PRKG1: variants seen among roughly 807,000 people sequenced by gnomAD.
The protein encoded by PRKG1 is cGMP-dependent protein kinase 1.
Under a neutral mutation model 88.1 loss-of-function variants are expected in PRKG1, and 35 were observed. The ratio of observed to expected loss-of-function variants is 0.40; its 90% CI spans 0.30 to 0.53. PRKG1 has a LOEUF of 0.53. PRKG1 is among the 20% of genes least tolerant of loss of function. PRKG1 has a pLI of 0.59. For missense variants in PRKG1, 540 were observed against 839.8 expected, an observed-to-expected ratio of 0.64 and a Z score of 4.41; for synonymous variants, 303 against 292.5, an observed-to-expected ratio of 1.04 and a Z score of -0.37.
chr10:51,987,466 T>C (rs1033616462), intron 5 of PRKG1, among the ~76,000 whole-genome samples: 1 of 151,350 alleles, frequency 6.6e-6, no homozygotes, highest in African/African-American at 2.4e-5. Flanking sequence ...TACTTTTTTT[T>C]TTTTTTTTCT....
In PRKG1 at chr10:51,724,031, G is replaced by A. The variant is rs556774543; in HGVS notation, c.593-80554G>A. On this transcript the variant is annotated intron_variant, in intron 3 of 17. Coordinates refer to ENST00000373980, the MANE Select transcript of PRKG1 (RefSeq NM_006258.4). ...AGTAAAGCATTATTACGGGTGTGTC[G>A]ATGTGGAGATTAGTGTGTGTGTCTG... 7.9e-4 allele frequency among the ~76,000 whole-genome samples: 120 copies of A among 152,160 alleles called. 1 individual carries two copies. Among genetic ancestry groups the A allele is most frequent in the Non-Finnish European group, 1.3e-3 (86 of 68,006 alleles).
At chr10:52,117,812 A>T (rs1417891057) in intron 7 of PRKG1, among the ~76,000 whole-genome samples, 2 of 151,984 alleles carry the variant, frequency 1.3e-5, no homozygotes, top group Non-Finnish European at 2.9e-5. Flanking sequence ...GTGTGTGTGC[A>T]TATGTGTTTT....
chr10:51,617,370 G>T (rs1376352409), intron 3 of PRKG1, among the ~76,000 whole-genome samples: 1 of 151,758 alleles, frequency 6.6e-6, no homozygotes, highest in Non-Finnish European at 1.5e-5. Context: ...CGCTATTTTG[G>T]TTTTTAGGGG....
At chr10:52,221,065 A>AT (rs56101015) in intron 9 of PRKG1, among the ~76,000 whole-genome samples, 40,846 of 151,758 alleles carry the variant, frequency 0.27, 5,624 homozygotes, top group Non-Finnish European at 0.29. Context: ...CGCATCTGTT[A>AT]TTTTTTTGAC....
intron 2 of PRKG1, among the ~76,000 whole-genome samples, chr10:51,190,562 C>T (rs1408872707): frequency 1.3e-5 from 2 of 151,818 alleles, no homozygotes; most frequent in East Asian, 1.9e-4. Context: ...CCTAAAGAAC[C>T]AGCTGCTCTA....
chr10:51,178,849 GA>G (rs1258796086), intron 2 of PRKG1, among the ~76,000 whole-genome samples: 2 of 151,964 alleles, frequency 1.3e-5, no homozygotes, highest in Non-Finnish European at 2.9e-5. Context: ...TAACTATAGA[GA>G]AAAAAAGCCT....
At chr10:51,540,892 T>G (rs1842283478) in intron 3 of PRKG1, among the ~76,000 whole-genome samples, 1 of 152,116 alleles carries the variant, frequency 6.6e-6, no homozygotes, top group Non-Finnish European at 1.5e-5. Flanking sequence ...CTAATTGTTA[T>G]ACTTTTAGAA....
chr10:51,715,299 T>C (rs1242868737), intron 3 of PRKG1, among the ~76,000 whole-genome samples: 1 of 152,204 alleles, frequency 6.6e-6, no homozygotes, highest in East Asian at 1.9e-4. Flanking sequence ...AATTTACAAA[T>C]TATGCAAGAT....
intron 3 of PRKG1, among the ~76,000 whole-genome samples, chr10:51,726,905 T>C (rs1316221808): frequency 6.6e-6 from 1 of 152,034 alleles, no homozygotes; most frequent in African/African-American, 2.4e-5. Flanking sequence ...GCCTCCCAAG[T>C]AGCTGGGACT....
At chr10:51,586,108 T>TC (rs1421023933) in intron 3 of PRKG1, among the ~76,000 whole-genome samples, 2 of 152,052 alleles carry the variant, frequency 1.3e-5, no homozygotes, top group Non-Finnish European at 2.9e-5. Flanking sequence ...AACCTGCACA[T>TC]ATACCTTCTG....
At chr10:51,315,430 A>T (rs534587977) in intron 2 of PRKG1, among the ~76,000 whole-genome samples, 1 of 152,328 alleles carries the variant, frequency 6.6e-6, no homozygotes, top group South Asian at 2.1e-4. Flanking sequence ...AAAAGTTATA[A>T]ATAATAAAGA....
intron 1 of PRKG1, among the ~76,000 whole-genome samples, chr10:51,117,864 A>G (rs1177177868): frequency 7.9e-5 from 12 of 152,176 alleles, no homozygotes. Flanking sequence ...TTGCAGTTCT[A>G]TGTTTAAAAA....
At chr10:52,244,326 A>G (rs577115641) in intron 9 of PRKG1, among the ~76,000 whole-genome samples, 1 of 152,154 alleles carries the variant, frequency 6.6e-6, no homozygotes, top group South Asian at 2.1e-4. Context: ...TTGATTTCCA[A>G]TGAAGTCAAA....
chr10:51,838,480 A>G (rs1840186100), intron 4 of PRKG1, among the ~76,000 whole-genome samples: 1 of 152,212 alleles, frequency 6.6e-6, no homozygotes, highest in African/African-American at 2.4e-5. Context: ...GAGTTTCCGA[A>G]AGGAAGTGTC....
intron 2 of PRKG1, among the ~76,000 whole-genome samples, chr10:51,178,695 C>G (rs1217772090): frequency 6.6e-6 from 1 of 152,024 alleles, no homozygotes; most frequent in Non-Finnish European, 1.5e-5. Flanking sequence ...TATTTTTCAA[C>G]ATGTTTATAC....
At chr10:52,263,264 A>C (rs1303236807) in intron 10 of PRKG1, among the ~76,000 whole-genome samples, 1 of 152,132 alleles carries the variant, frequency 6.6e-6, no homozygotes, top group African/African-American at 2.4e-5. Flanking sequence ...TAAGTGAGAT[A>C]GTAAGCACAG....
chr10:52,089,265 A>G (rs1176148511), intron 7 of PRKG1, among the ~76,000 whole-genome samples: 1 of 152,222 alleles, frequency 6.6e-6, no homozygotes, highest in African/African-American at 2.4e-5. Context: ...TAGCAAGAGT[A>G]ACAAAAATCA....
chr10:52,138,996 A>T (rs1475209988), intron 8 of PRKG1, among the ~76,000 whole-genome samples: 3 of 152,148 alleles, frequency 2.0e-5, no homozygotes, highest in Non-Finnish European at 4.4e-5. Context: ...AGGATTAGAC[A>T]CAGAGAAAAA....
intron 3 of PRKG1, among the ~76,000 whole-genome samples, chr10:51,587,678 C>G (rs547573987): frequency 6.6e-6 from 1 of 152,220 alleles, no homozygotes; most frequent in South Asian, 2.1e-4. Context: ...CATTTAAATA[C>G]CAATCCATTG....
Sources: allele counts gnomAD v4.1 joint callset (sites outside exome capture counted in the v4.1 genomes callset), GRCh38; gene constraint gnomAD v4.1.1; transcripts MANE v1.5; gene names NCBI Gene and HGNC (gene_info 2026-07-23, HGNC 2026-07-21).